GABRA2: variants seen among roughly 807,000 people sequenced by gnomAD.
GABRA2 encodes gamma-aminobutyric acid receptor subunit alpha-2.
Under a neutral mutation model 48.7 loss-of-function variants are expected in GABRA2, and 16 were observed. The observed-to-expected ratio is 0.33, with a 90% CI of 0.22 to 0.50. The LOEUF (loss-of-function observed/expected upper bound fraction) is 0.50, where lower values mean the gene tolerates loss of function less well. Among genes scored for constraint, GABRA2 ranks in the 20% least tolerant of loss-of-function variants. The pLI is 0.98. For synonymous variants in GABRA2, 185 were observed against 184.5 expected (o/e 1.00, Z -0.02); for missense variants, 275 against 535.6 (o/e 0.51, Z 4.80).
chr4:46,243,673 C>G lies in GABRA2; in HGVS notation c.*6635G>C, dbSNP rs911965665. 6.6e-6 allele frequency: 1 copy of G among 151,336 alleles called. No homozygotes were observed. The highest frequency in any genetic ancestry group is 1.5e-5 in the Non-Finnish European group (1 of 67,562). 9.4% of individuals were successfully genotyped at this position (151,336 alleles called of 1,614,324 possible). On this transcript the variant is annotated 3_prime_UTR_variant, in exon 10 of 10. Coordinates refer to ENST00000381620, the MANE Select transcript of GABRA2 (RefSeq NM_000807.4). ...TAAAGGTCATATGATCAACTAGTGG[C>G]CTTTCCCAATTACAACAAGGTCACA... is the stretch of plus-strand genomic sequence containing the variant.
chr4:46,287,068 T>G (rs1023746472), intron 8 of GABRA2, among the ~76,000 whole-genome samples: 2 of 152,176 alleles, frequency 1.3e-5, no homozygotes, highest in Admixed American at 6.5e-5. Context: ...CTAATAGTTT[T>G]ATATTTTATG....
At chr4:46,258,292 T>C (rs562208787) in intron 9 of GABRA2, among the ~76,000 whole-genome samples, 8 of 151,906 alleles carry the variant, frequency 5.3e-5, no homozygotes, top group Non-Finnish European at 1.0e-4. Context: ...GTGAAAGAGT[T>C]GAGACAGAAA....
intron 3 of GABRA2, among the ~76,000 whole-genome samples, chr4:46,384,329 GAGGA>G (rs1166980275): frequency 2.0e-5 from 3 of 152,178 alleles, no homozygotes; most frequent in Non-Finnish European, 4.4e-5. Context: ...TCAGAGGATT[GAGGA>G]AGGAAGAGAA....
chr4:46,300,881 G>A (rs1725621744), intron 8 of GABRA2, among the ~76,000 whole-genome samples: 1 of 151,754 alleles, frequency 6.6e-6, no homozygotes. Flanking sequence ...AATTTCTCAT[G>A]TGAACTATTT....
intron 8 of GABRA2, among the ~76,000 whole-genome samples, chr4:46,273,117 T>C (rs1032987550): frequency 5.9e-5 from 9 of 151,874 alleles, no homozygotes; most frequent in Non-Finnish European, 1.3e-4. Flanking sequence ...AATATTACTT[T>C]GGCTATTATT....
intron 9 of GABRA2, among the ~76,000 whole-genome samples, chr4:46,260,205 C>A (rs566309783): frequency 2.6e-5 from 4 of 151,816 alleles, no homozygotes; most frequent in Non-Finnish European, 4.4e-5. Context: ...GAAATGAGAA[C>A]AAGCAATGTC....
intron 8 of GABRA2, among the ~76,000 whole-genome samples, chr4:46,286,740 A>G (rs1722615710): frequency 6.6e-6 from 1 of 152,112 alleles, no homozygotes. Context: ...TGTCAGTTGT[A>G]TACTTCCTTT....
chr4:46,346,533 C>A lies in GABRA2; in HGVS notation c.188-13851G>T, dbSNP rs180711298. ...AACATACGTTTAATATATTACATAT[C>A]CTCTTAGTGTAAGATTCCTGATGCT... On this transcript the variant is annotated intron_variant, in intron 3 of 9. Coordinates refer to ENST00000381620, the MANE Select transcript of GABRA2 (RefSeq NM_000807.4). Among the ~76,000 whole-genome samples the A allele has an allele frequency of 2.4e-3, 355 of 150,670 alleles. 4 individuals carry two copies. The highest frequency in any genetic ancestry group is 8.4e-3 in the African/African-American group (348 of 41,256).
At chr4:46,356,068 T>C (rs1227010791) in intron 3 of GABRA2, among the ~76,000 whole-genome samples, 1 of 152,180 alleles carries the variant, frequency 6.6e-6, no homozygotes, top group African/African-American at 2.4e-5. Context: ...CTATACCCCC[T>C]GTTAATCATT....
rs571199877 is a variant in GABRA2 at position 46,247,207 on chromosome 4, T to TA, written c.*3100dup. 2.4e-3 allele frequency among the ~76,000 whole-genome samples: 356 copies of TA among 151,238 alleles called. 5 individuals carry two copies. The highest frequency in any genetic ancestry group is 7.8e-3 in the African/African-American group (322 of 41,448). ...GGCACTTAATAAAATCATTAAAATT[T>TA]AAAAAATATATATTAAATGGTTATA... On this transcript the variant is annotated 3_prime_UTR_variant, in exon 10 of 10. Transcript: ENST00000381620.
At chr4:46,379,110 C>CACAGTGCA (rs888831234) in intron 3 of GABRA2, among the ~76,000 whole-genome samples, 1 of 152,178 alleles carries the variant, frequency 6.6e-6, no homozygotes, top group African/African-American at 2.4e-5. Context: ...GGGCAAGCAA[C>CACAGTGCA]ACACAGTGAG....
At position 46,247,909 on chromosome 4, in the gene GABRA2, A is replaced by T. The variant is rs1002761937; in HGVS notation, c.*2399T>A. ...ATCAAAGTTTAAAGAAATAACAAAG[A>T]ATTCTGATCCCTAGCACTGAAAAAT... On this transcript the variant is annotated 3_prime_UTR_variant, in exon 10 of 10. Transcript: ENST00000381620. 4.0e-5 allele frequency among the ~76,000 whole-genome samples: 6 copies of T among 151,240 alleles called. No individual in the cohort carries two copies. The highest frequency in any genetic ancestry group is 2.1e-4 in the South Asian group (1 of 4,834).
intron 3 of GABRA2, chr4:46,368,739 G>T (rs1325785436): frequency 4.8e-6 from 2 of 417,644 alleles, no homozygotes; most frequent in Admixed American, 3.9e-5. Context: ...TAAGACTGAA[G>T]AAAACTTTCT....
chr4:46,258,867 T>C (rs189527080), intron 9 of GABRA2, among the ~76,000 whole-genome samples: 1 of 151,920 alleles, frequency 6.6e-6, no homozygotes, highest in East Asian at 2.0e-4. Context: ...AGCTACAAGA[T>C]AGTAAATGAA....
intron 8 of GABRA2, among the ~76,000 whole-genome samples, chr4:46,288,748 A>C (rs1723025902): frequency 6.6e-6 from 1 of 152,244 alleles, no homozygotes; most frequent in Admixed American, 6.5e-5. Flanking sequence ...TCTTCACAGT[A>C]AAGAAAACTA....
intron 3 of GABRA2, among the ~76,000 whole-genome samples, chr4:46,384,047 A>G (rs141220491): frequency 3.3e-5 from 5 of 152,252 alleles, no homozygotes; most frequent in African/African-American, 1.2e-4. Flanking sequence ...TATATAATCA[A>G]CTCAACAACC....
intron 9 of GABRA2, among the ~76,000 whole-genome samples, chr4:46,257,120 T>C (rs1715993799): frequency 6.6e-6 from 1 of 151,678 alleles, no homozygotes; most frequent in Non-Finnish European, 1.5e-5. Context: ...TCTTGTAAAC[T>C]TGTGTAAGAA....
chr4:46,321,908 G>A (rs565143647), intron 4 of GABRA2, among the ~76,000 whole-genome samples: 5 of 152,034 alleles, frequency 3.3e-5, no homozygotes, highest in Middle Eastern at 6.8e-3. Flanking sequence ...AATGCCATTG[G>A]AGAATAAGCC....
rs117812712 is a variant in GABRA2, at chr4:46,247,951, T to C, written c.*2357A>G. Among the ~76,000 whole-genome samples the C allele has an allele frequency of 8.3e-4, 126 of 151,322 alleles. 2 individuals are homozygous for C. In the East Asian group the frequency reaches 0.022, roughly 26 times the overall value. ...CTGAAAAATCTGAACTGCCAGAATG[T>C]CATTGCACTCAAATAAAATTTTACC... On this transcript the variant is annotated 3_prime_UTR_variant, in exon 10 of 10. Coordinates refer to ENST00000381620, the MANE Select transcript of GABRA2 (RefSeq NM_000807.4).
Sources: gnomAD v4.1 joint callset for allele counts (sites outside exome capture counted in the v4.1 genomes callset) on GRCh38, gnomAD v4.1.1 for gene constraint, MANE v1.5 for transcripts, NCBI Gene and HGNC (gene_info 2026-07-23, HGNC 2026-07-21) for gene names.